Variants in RIN2 observed in about 807,000 individuals in gnomAD.
RIN2 encodes the protein Ras and Rab interactor 2.
RIN2 carries 36 observed loss-of-function variants against 78.0 expected under a neutral mutation model. That is an observed-to-expected ratio of 0.46 (90% CI 0.35 to 0.61). The LOEUF is 0.61. Among genes scored for constraint, RIN2 ranks in the 20% least tolerant of loss-of-function variants. The pLI, the probability that RIN2 is intolerant of heterozygous loss-of-function variation, is 0.00. For missense variants in RIN2, 1,087 were observed against 1,159.7 expected (o/e 0.94, Z 0.91); for synonymous variants, 466 against 466.8 (o/e 1.00, Z 0.02).
intron 2 of RIN2, among the ~76,000 whole-genome samples, chr20:19,860,814 A>G (rs1051377716): frequency 1.3e-5 from 2 of 152,236 alleles, no homozygotes; most frequent in Non-Finnish European, 2.9e-5. Flanking sequence ...CATATTCAGA[A>G]CAGAAACCAA....
chr20:19,831,761 G>C (rs1009841158), intron 2 of RIN2, among the ~76,000 whole-genome samples: 2 of 152,114 alleles, frequency 1.3e-5, no homozygotes, highest in African/African-American at 2.4e-5. Context: ...AGAAATATAA[G>C]AGCTATATTC....
chr20:19,826,773 C>G (rs2122958536), intron 2 of RIN2, among the ~76,000 whole-genome samples: 1 of 152,226 alleles, frequency 6.6e-6, no homozygotes, highest in East Asian at 1.9e-4. Flanking sequence ...TGGTGGCAAT[C>G]CATCAACTGT....
In RIN2 at chr20:19,990,210, T is replaced by G. The variant is rs963871757; in HGVS notation, c.1967T>G (p.Val656Gly). The change falls in exon 10 of 13, where the codon GTC (valine) becomes GGC (glycine). Residue 656 changes from valine to glycine, a missense_variant. Physicochemically the swap from Val to Gly is moderately radical, Grantham distance 109. Around this residue, in one of 8 missense-constraint regions of RIN2, gnomAD observed 97 missense variants for 104.8 expected, o/e 0.93. Transcript: ENST00000255006. ...TTTGTGGATGTGGAGAAAATCAAAG[T>G]CAAGTTCATGACCATGCAGAAGATG... Reference protein sequence around the residue: ...PDFVDVEKIKVKFMTMQKMYS... With the variant: ...PDFVDVEKIKGKFMTMQKMYS... 6.2e-7 allele frequency: 1 copy of G among 1,611,862 alleles called. No individual in the cohort carries two copies. Among genetic ancestry groups the G allele is most frequent in the Admixed American group, 1.7e-5 (1 of 59,734 alleles).
intron 11 of RIN2, among the ~76,000 whole-genome samples, chr20:19,996,207 G>A (rs1280747277): frequency 6.6e-6 from 1 of 152,138 alleles, no homozygotes; most frequent in South Asian, 2.1e-4. Context: ...CGAGCCACTC[G>A]GGAGGCTGAG....
intron 3 of RIN2, among the ~76,000 whole-genome samples, chr20:19,894,766 T>C (rs1372099535): frequency 1.3e-5 from 2 of 152,220 alleles, no homozygotes; most frequent in African/African-American, 4.8e-5. Flanking sequence ...GTTCTCATTC[T>C]TTCATTTGGT....
chr20:19,860,856 A>T (rs533141682), intron 2 of RIN2, among the ~76,000 whole-genome samples: 1 of 152,308 alleles, frequency 6.6e-6, no homozygotes, highest in Non-Finnish European at 1.5e-5. Context: ...CCCATAGTTG[A>T]GTTAATGAAT....
intron 2 of RIN2, among the ~76,000 whole-genome samples, chr20:19,882,431 A>G (rs1388635635): frequency 2.0e-5 from 3 of 152,228 alleles, no homozygotes; most frequent in Admixed American, 6.5e-5. Context: ...GTCATACCAC[A>G]CACAAAATCC....
chr20:19,812,254 G>T (rs1398877650), intron 2 of RIN2, among the ~76,000 whole-genome samples: 1 of 152,128 alleles, frequency 6.6e-6, no homozygotes, highest in East Asian at 1.9e-4. Flanking sequence ...TCTGGGTGAT[G>T]TGTTAAGTTT....
Position 19,974,943 on chromosome 20 carries a change from C to T in RIN2, c.918C>T (p.Ser306=), listed in dbSNP as rs774266496. The T allele has an allele frequency of 1.2e-6, 2 of 1,612,686 alleles. No homozygotes were observed. The highest frequency in any genetic ancestry group is 1.7e-6 in the Non-Finnish European group (2 of 1,179,080). ...PNANGTERTR[S]PPPRPPPPAI... ...CGAATGGCACGGAGCGGACTCGGTC[C>T]CCCCCACCCAGGCCCCCGCCACCCG... Residue 306 remains serine (S), a synonymous_variant, in exon 9 of 13, where the codon TCC becomes TCT. Transcript: ENST00000255006.
At chr20:19,773,353 A>G (rs922651075) in intron 1 of RIN2, among the ~76,000 whole-genome samples, 1 of 152,208 alleles carries the variant, frequency 6.6e-6, no homozygotes, top group Non-Finnish European at 1.5e-5. Flanking sequence ...ACACAATTCA[A>G]CCCATAACTA....
chr20:20,002,227 G>A lies in RIN2; in HGVS notation c.*1291G>A, dbSNP rs945816077. On this transcript the variant is annotated 3_prime_UTR_variant, in exon 13 of 13. Coordinates refer to ENST00000255006, the MANE Select transcript of RIN2 (RefSeq NM_018993.4). Reference sequence around the variant, plus strand: ...CAAACTATGAGGGTCTTGTATCCACGTAACACAGGTAGTTACAAAAACATG... The same window carrying A: ...CAAACTATGAGGGTCTTGTATCCACATAACACAGGTAGTTACAAAAACATG... 3.9e-5 allele frequency: 6 copies of A among 152,300 alleles called. No homozygotes were observed. Among genetic ancestry groups the A allele is most frequent in the Admixed American group, 3.3e-4 (5 of 15,284 alleles). 9.4% of individuals were successfully genotyped at this position (152,300 alleles called of 1,614,324 possible).
intron 1 of RIN2, among the ~76,000 whole-genome samples, chr20:19,763,991 C>A (rs1024015817): frequency 1.3e-5 from 2 of 152,056 alleles, no homozygotes; most frequent in African/African-American, 4.8e-5. Context: ...ATACATAACC[C>A]CCCACTTGCT....
chr20:19,991,148 C>T (rs1386729690), intron 10 of RIN2, among the ~76,000 whole-genome samples: 1 of 152,140 alleles, frequency 6.6e-6, no homozygotes, highest in Non-Finnish European at 1.5e-5. Flanking sequence ...TTAACCACTG[C>T]TTGAGTAGAC....
chr20:19,885,702 CGAAAA>C (rs1008700967), intron 2 of RIN2, among the ~76,000 whole-genome samples: 16 of 149,700 alleles, frequency 1.1e-4, no homozygotes, highest in African/African-American at 3.2e-4. Flanking sequence ...AAAAAAAAAA[CGAAAA>C]GAAAAGAAAA....
chr20:19,770,976 C>G (rs901682842), intron 1 of RIN2, among the ~76,000 whole-genome samples: 1 of 151,398 alleles, frequency 6.6e-6, no homozygotes, highest in South Asian at 2.1e-4. Flanking sequence ...TCTTCGAGTT[C>G]AACTAATTTG....
chr20:19,764,634 C>T (rs2122322954), intron 1 of RIN2, among the ~76,000 whole-genome samples: 1 of 152,318 alleles, frequency 6.6e-6, no homozygotes, highest in South Asian at 2.1e-4. Context: ...CTTAAAATTT[C>T]CTTAGTGGCT....
intron 3 of RIN2, among the ~76,000 whole-genome samples, chr20:19,901,842 C>A (rs931956361): frequency 4.6e-5 from 7 of 151,932 alleles, no homozygotes; most frequent in African/African-American, 1.7e-4. Flanking sequence ...CATGGTGAAA[C>A]CCCGTCTCTA....
At chr20:19,861,492 GCCCTCGATATCTGATCA>G (rs1174737136) in intron 2 of RIN2, among the ~76,000 whole-genome samples, 1 of 152,088 alleles carries the variant, frequency 6.6e-6, no homozygotes, top group Non-Finnish European at 1.5e-5. Flanking sequence ...AGAACGCCCT[GCCCTCGATATCTGATCA>G]CCCTCCATAT....
Position 20,001,039 on chromosome 20 carries a change from A to AC in RIN2, c.*107dup, listed in dbSNP as rs1300068546. On this transcript the variant is annotated 3_prime_UTR_variant, in exon 13 of 13. Coordinates refer to ENST00000255006, the MANE Select transcript of RIN2 (RefSeq NM_018993.4). ...TTGAAAAGCAGTCACCTCCTCGGGG[A>AC]CCCCTCAGTGTAGTGACTAAGCCAT... is the stretch of plus-strand genomic sequence containing the variant. 1.1e-4 allele frequency: 128 copies of AC among 1,147,254 alleles called. No individual in the cohort carries two copies. Among genetic ancestry groups the AC allele is most frequent in the Non-Finnish European group, 1.5e-4 (124 of 822,774 alleles). The allele number at this position is 1,147,254 out of a possible 1,614,324, so 71.1% of individuals were successfully genotyped here.
Sources: allele counts gnomAD v4.1 joint callset (sites outside exome capture counted in the v4.1 genomes callset), GRCh38; gene constraint gnomAD v4.1.1; regional missense constraint gnomAD v4.1.1; transcripts MANE v1.5; gene names NCBI Gene and HGNC (gene_info 2026-07-23, HGNC 2026-07-21).